The following PTPRD variants were observed in gnomAD, a reference collection of about 807,000 sequenced individuals.
PTPRD encodes the protein receptor-type tyrosine-protein phosphatase delta.
PTPRD carries 34 observed loss-of-function variants against 214.5 expected under a neutral mutation model. That is an observed-to-expected ratio of 0.16 (90% CI 0.12 to 0.21). PTPRD has a LOEUF of 0.21. Ranked by LOEUF, PTPRD falls within the 10% of genes least tolerant of loss-of-function variation. PTPRD has a pLI of 1.00. For synonymous variants in PTPRD, 1,128 were observed against 845.7 expected (o/e 1.33, Z -5.79); for missense variants, 2,545 against 2,398.7 (o/e 1.06, Z -1.27).
At chr9:9,093,857 A>G (rs1341124054) in intron 10 of PTPRD, among the ~76,000 whole-genome samples, 1 of 151,922 alleles carries the variant, frequency 6.6e-6, no homozygotes, top group Non-Finnish European at 1.5e-5. Flanking sequence ...GAAATACAAT[A>G]CAGAAGGCAA....
intron 37 of PTPRD, among the ~76,000 whole-genome samples, chr9:8,385,535 T>C (rs909732020): frequency 1.3e-5 from 2 of 151,528 alleles, no homozygotes; most frequent in Non-Finnish European, 2.9e-5. Flanking sequence ...CAAAAACGAG[T>C]GAACCAGGCT....
At chr9:10,406,553 A>C (rs2098363191) in intron 2 of PTPRD, among the ~76,000 whole-genome samples, 1 of 151,590 alleles carries the variant, frequency 6.6e-6, no homozygotes, top group Non-Finnish European at 1.5e-5. Context: ...GTTCTACTGC[A>C]GGAAAAGACA....
Position 8,585,209 on chromosome 9 carries a change from AT to A in PTPRD, c.352+48107del, listed in dbSNP as rs1317501204. Among the ~76,000 whole-genome samples, 12 of 152,204 alleles carry A rather than the reference AT, an allele frequency of 7.9e-5. No individual in the cohort carries two copies. In the East Asian group the frequency reaches 1.9e-3, roughly 24 times the overall value. ...AAATTCAGTTAGTCAACTCTACTAA[AT>A]TTTTTTTAACTGCAGAGTTACAAAG... On this transcript the variant is annotated intron_variant, in intron 14 of 45. Coordinates refer to ENST00000381196, the MANE Select transcript of PTPRD (RefSeq NM_002839.4).
chr9:9,036,264 T>A (rs2154380208), intron 10 of PTPRD, among the ~76,000 whole-genome samples: 1 of 150,064 alleles, frequency 6.7e-6, no homozygotes, highest in African/African-American at 2.4e-5. Flanking sequence ...TCCAGAACAT[T>A]TCCTAAACAA....
chr9:9,581,329 G>C (rs1430897074), intron 7 of PTPRD, among the ~76,000 whole-genome samples: 1 of 152,108 alleles, frequency 6.6e-6, no homozygotes, highest in African/African-American at 2.4e-5. Flanking sequence ...TATGTAAATT[G>C]TAGGTAATAT....
chr9:10,057,574 T>A (rs543043047), intron 3 of PTPRD, among the ~76,000 whole-genome samples: 1 of 152,104 alleles, frequency 6.6e-6, no homozygotes, highest in African/African-American at 2.4e-5. Flanking sequence ...AGGTAAGTAG[T>A]GTGGCTCACG....
intron 8 of PTPRD, among the ~76,000 whole-genome samples, chr9:9,521,939 C>A (rs2096984586): frequency 6.6e-6 from 1 of 151,988 alleles, no homozygotes; most frequent in Non-Finnish European, 1.5e-5. Flanking sequence ...AGGTGGATCA[C>A]CTGAAGTCAG....
chr9:10,364,238 T>C (rs1013328856), intron 2 of PTPRD, among the ~76,000 whole-genome samples: 3 of 152,048 alleles, frequency 2.0e-5, no homozygotes, highest in Non-Finnish European at 4.4e-5. Flanking sequence ...CCTGACCTCG[T>C]GATCCGCCTG....
chr9:10,153,331 T>C (rs2099073407), intron 3 of PTPRD, among the ~76,000 whole-genome samples: 1 of 151,696 alleles, frequency 6.6e-6, no homozygotes, highest in African/African-American at 2.4e-5. Flanking sequence ...GTATTTTAAA[T>C]AGCAGAAATT....
chr9:9,318,905 A>G (rs920371650), intron 9 of PTPRD, among the ~76,000 whole-genome samples: 1 of 152,164 alleles, frequency 6.6e-6, no homozygotes, highest in African/African-American at 2.4e-5. Flanking sequence ...AGATTCATGC[A>G]TTGATTTATG....
chr9:10,214,864 T>G (rs1305883437), intron 3 of PTPRD, among the ~76,000 whole-genome samples: 1 of 152,100 alleles, frequency 6.6e-6, no homozygotes. Flanking sequence ...GCTCTCACAT[T>G]GTACATGAAT....
At chr9:10,544,644 G>A (rs184804041) in intron 2 of PTPRD, among the ~76,000 whole-genome samples, 269 of 152,216 alleles carry the variant, frequency 1.8e-3, no homozygotes, top group Middle Eastern at 0.01. Context: ...TGGAAAGCTC[G>A]TCAGGTCAGA....
intron 9 of PTPRD, among the ~76,000 whole-genome samples, chr9:9,207,303 T>C (rs923210222): frequency 2.0e-5 from 3 of 152,142 alleles, no homozygotes; most frequent in African/African-American, 4.8e-5. Context: ...AGGGAGTAGA[T>C]AGTTGGACAT....
At chr9:9,890,266 T>A (rs1296662520) in intron 5 of PTPRD, among the ~76,000 whole-genome samples, 1 of 152,012 alleles carries the variant, frequency 6.6e-6, no homozygotes, top group African/African-American at 2.4e-5. Flanking sequence ...GATACGATCC[T>A]GGCTCACTGT....
chr9:9,631,824 C>G (rs1045044377), intron 7 of PTPRD, among the ~76,000 whole-genome samples: 2 of 152,026 alleles, frequency 1.3e-5, no homozygotes, highest in South Asian at 4.2e-4. Context: ...ACAAATAACC[C>G]AATTCAGCCA....
At chr9:9,284,685 C>T (rs1442108707) in intron 9 of PTPRD, among the ~76,000 whole-genome samples, 2 of 151,682 alleles carry the variant, frequency 1.3e-5, no homozygotes, top group Non-Finnish European at 2.9e-5. Context: ...AGAGGAAATA[C>T]TGAAAATGAA....
At chr9:10,284,355 A>C (rs1259808230) in intron 3 of PTPRD, among the ~76,000 whole-genome samples, 2 of 152,202 alleles carry the variant, frequency 1.3e-5, no homozygotes, top group African/African-American at 4.8e-5. Context: ...AAACTACTAT[A>C]AAAGTTTGTT....
chr9:9,346,204 C>T (rs529818735), intron 9 of PTPRD, among the ~76,000 whole-genome samples: 1 of 152,226 alleles, frequency 6.6e-6, no homozygotes, highest in South Asian at 2.1e-4. Flanking sequence ...TAGTGATCTA[C>T]TAACAAGGTG....
intron 39 of PTPRD, among the ~76,000 whole-genome samples, chr9:8,367,534 T>C (rs943094493): frequency 3.9e-5 from 6 of 152,228 alleles, no homozygotes; most frequent in Non-Finnish European, 8.8e-5. Flanking sequence ...ACCCTGCTTA[T>C]AGAAACAATT....
Sources: allele counts gnomAD v4.1 joint callset (sites outside exome capture counted in the v4.1 genomes callset), GRCh38; gene constraint gnomAD v4.1.1; transcripts MANE v1.5; gene names NCBI Gene and HGNC (gene_info 2026-07-23, HGNC 2026-07-21).